ARMH3: variants seen among roughly 807,000 people sequenced by gnomAD.
ARMH3 encodes the protein armadillo like helical domain containing 3.
A neutral mutation model predicts 99.1 loss-of-function variants in ARMH3; 60 were observed. The observed-to-expected ratio is 0.61, with a 90% CI of 0.49 to 0.75. The LOEUF (loss-of-function observed/expected upper bound fraction) is 0.75. Ranked by LOEUF, ARMH3 falls within the 30% of genes least tolerant of loss-of-function variation. ARMH3 has a pLI of 0.00. For synonymous variants in ARMH3, 285 were observed against 292.8 expected (o/e 0.97, Z 0.27); for missense variants, 679 against 843.1 (o/e 0.81, Z 2.41).
chr10:101,905,016 A>T (rs934220138), intron 23 of ARMH3, among the ~76,000 whole-genome samples: 2 of 152,068 alleles, frequency 1.3e-5, no homozygotes, highest in African/African-American at 4.8e-5. Context: ...GGACTCTAAC[A>T]ATTTCAAAGC....
intron 23 of ARMH3, among the ~76,000 whole-genome samples, chr10:101,903,643 T>C (rs777371380): frequency 3.3e-5 from 5 of 152,244 alleles, no homozygotes; most frequent in Non-Finnish European, 5.9e-5. Context: ...AGGAGACTGA[T>C]ACCGAACTTT....
chr10:101,974,308 G>C (rs1845897764), intron 20 of ARMH3, among the ~76,000 whole-genome samples: 1 of 152,184 alleles, frequency 6.6e-6, no homozygotes, highest in Admixed American at 6.5e-5. Flanking sequence ...ATGGAAGGGG[G>C]CTGGGTTACT....
intron 23 of ARMH3, among the ~76,000 whole-genome samples, chr10:101,923,031 T>C (rs898090711): frequency 1.3e-5 from 2 of 152,106 alleles, no homozygotes; most frequent in Non-Finnish European, 2.9e-5. Context: ...AAAGAAATTA[T>C]ATAGAAACCA....
intron 23 of ARMH3, among the ~76,000 whole-genome samples, chr10:101,908,062 C>T (rs766825084): frequency 3.9e-5 from 6 of 152,144 alleles, no homozygotes; most frequent in Non-Finnish European, 8.8e-5. Context: ...GCATCTGAAA[C>T]ATGGCCAGTG....
intron 24 of ARMH3, among the ~76,000 whole-genome samples, chr10:101,880,922 A>G (rs1045845961): frequency 6.6e-6 from 1 of 152,172 alleles, no homozygotes; most frequent in African/African-American, 2.4e-5. Context: ...TTGTATTTCT[A>G]AAGAGCCAGC....
chr10:101,981,431 C>T (rs150216483), intron 19 of ARMH3, among the ~76,000 whole-genome samples: 2,300 of 151,220 alleles, frequency 0.015, 26 homozygotes, highest in Non-Finnish European at 0.023. Context: ...CAAGACCAAC[C>T]TGGCCAACAT....
At chr10:101,892,838 T>A (rs900488431) in intron 23 of ARMH3, among the ~76,000 whole-genome samples, 1 of 152,178 alleles carries the variant, frequency 6.6e-6, no homozygotes, top group Admixed American at 6.5e-5. Flanking sequence ...TCAATAAATA[T>A]TCAATAAGTG....
chr10:101,881,004 TAAG>T (rs751654311), intron 24 of ARMH3, among the ~76,000 whole-genome samples: 2 of 152,220 alleles, frequency 1.3e-5, no homozygotes, highest in African/African-American at 2.4e-5. Flanking sequence ...TAGATGGAAA[TAAG>T]AAAATACTTA....
At chr10:101,944,269 TATATAGAG>T (rs1564778506) in intron 22 of ARMH3, among the ~76,000 whole-genome samples, 3 of 44,940 alleles carry the variant, frequency 6.7e-5, no homozygotes, top group Admixed American at 2.9e-4. Context: ...TATATATATA[TATATAGAG>T]AGAGAGAGAG....
At chr10:102,045,952 G>A (rs1245378182) in intron 1 of ARMH3, among the ~76,000 whole-genome samples, 5 of 151,880 alleles carry the variant, frequency 3.3e-5, no homozygotes, top group African/African-American at 7.3e-5. Context: ...AAAATTAGAC[G>A]GGCATGGTGG....
chr10:102,027,988 A>G (rs772569585), intron 5 of ARMH3, among the ~76,000 whole-genome samples: 3 of 151,732 alleles, frequency 2.0e-5, no homozygotes, highest in Non-Finnish European at 1.5e-5. Flanking sequence ...AAGAACTCTT[A>G]TAACTCAACA....
intron 24 of ARMH3, among the ~76,000 whole-genome samples, chr10:101,871,874 G>A (rs574718769): frequency 5.3e-5 from 8 of 152,060 alleles, no homozygotes; most frequent in African/African-American, 1.7e-4. Flanking sequence ...GGTGGTGCAC[G>A]CTTGTAATCC....
chr10:101,863,183 A>G (rs1191283524), intron 24 of ARMH3, among the ~76,000 whole-genome samples: 1 of 152,242 alleles, frequency 6.6e-6, no homozygotes, highest in East Asian at 1.9e-4. Flanking sequence ...AGCCTGGGCA[A>G]CAAGAATCTA....
chr10:101,996,964 GA>G (rs1323422661), intron 15 of ARMH3, among the ~76,000 whole-genome samples: 1 of 151,958 alleles, frequency 6.6e-6, no homozygotes, highest in African/African-American at 2.4e-5. Context: ...AAAAGCAGGG[GA>G]AAACCCAAGG....
At chr10:102,054,266 G>A (rs1027717501) in intron 1 of ARMH3, among the ~76,000 whole-genome samples, 2 of 151,954 alleles carry the variant, frequency 1.3e-5, no homozygotes, top group Admixed American at 1.3e-4. Context: ...GTGCGCGCCT[G>A]TAGTCACAGC....
intron 24 of ARMH3, among the ~76,000 whole-genome samples, chr10:101,872,691 C>T (rs1285336504): frequency 6.6e-6 from 1 of 152,118 alleles, no homozygotes; most frequent in Non-Finnish European, 1.5e-5. Flanking sequence ...GGCATGGTGG[C>T]TCATCCCTGT....
intron 24 of ARMH3, among the ~76,000 whole-genome samples, chr10:101,867,305 T>C (rs144001191): frequency 6.6e-6 from 1 of 152,302 alleles, no homozygotes; most frequent in African/African-American, 2.4e-5. Flanking sequence ...GTTCTTTTGA[T>C]ACTGTACAAT....
chr10:101,876,021 G>C (rs1236483776), intron 24 of ARMH3, among the ~76,000 whole-genome samples: 1 of 151,888 alleles, frequency 6.6e-6, no homozygotes, highest in Non-Finnish European at 1.5e-5. Context: ...GGCCGAGTCG[G>C]GCAGATCACA....
At chr10:102,030,760 G>GT (rs1174576608) in intron 4 of ARMH3, among the ~76,000 whole-genome samples, 4 of 151,624 alleles carry the variant, frequency 2.6e-5, no homozygotes, top group Non-Finnish European at 5.9e-5. Flanking sequence ...CAGTTTAACA[G>GT]TTTTTTTTGT....
Sources: gnomAD v4.1 joint callset for allele counts (sites outside exome capture counted in the v4.1 genomes callset) on GRCh38, gnomAD v4.1.1 for gene constraint, MANE v1.5 for transcripts, NCBI Gene and HGNC (gene_info 2026-07-23, HGNC 2026-07-21) for gene names.